TAF3: variants seen among roughly 807,000 people sequenced by gnomAD.
TAF3 encodes the protein TATA-box binding protein associated factor 3.
A neutral mutation model predicts 80.6 loss-of-function variants in TAF3; 7 were observed. The ratio of observed to expected loss-of-function variants is 0.09; its 90% CI spans 0.05 to 0.16. The LOEUF (loss-of-function observed/expected upper bound fraction) is 0.16. Ranked by LOEUF, TAF3 falls within the 10% of genes least tolerant of loss-of-function variation. The probability of loss-of-function intolerance (pLI) is 1.00; values close to 1 mark genes in which losing one functional copy is unlikely to be tolerated. For missense variants in TAF3, 921 were observed against 1,140.2 expected, an observed-to-expected ratio of 0.81 and a Z score of 2.77; for synonymous variants, 444 against 446.1, an observed-to-expected ratio of 1.00 and a Z score of 0.06.
intron 2 of TAF3, among the ~76,000 whole-genome samples, chr10:7,832,127 C>T (rs1029890633): frequency 1.3e-5 from 2 of 151,946 alleles, no homozygotes; most frequent in African/African-American, 4.8e-5. Context: ...TGCAATGTAT[C>T]AAAAAAAGTA....
intron 4 of TAF3, among the ~76,000 whole-genome samples, chr10:8,008,655 C>T (rs911499896): frequency 5.9e-5 from 9 of 152,338 alleles, no homozygotes; most frequent in East Asian, 1.9e-4. Flanking sequence ...CAGTGTGGAG[C>T]ACAGGCTGCT....
At chr10:7,955,317 G>T (rs534480869) in intron 2 of TAF3, among the ~76,000 whole-genome samples, 1 of 152,292 alleles carries the variant, frequency 6.6e-6, no homozygotes, top group African/African-American at 2.4e-5. Flanking sequence ...GTGCATCATT[G>T]TAGAAATTAA....
chr10:7,945,248 G>C (rs1483517967), intron 2 of TAF3, among the ~76,000 whole-genome samples: 2 of 152,130 alleles, frequency 1.3e-5, no homozygotes, highest in Admixed American at 1.3e-4. Context: ...TGCTAATCCT[G>C]TTTGCCTAGT....
At position 7,989,160 on chromosome 10, in the gene TAF3, A is replaced by C. The variant is rs981674248; in HGVS notation, c.2315+11837A>C. On this transcript the variant is annotated intron_variant, in intron 4 of 6. Transcript: ENST00000344293. ...TCCCAGAGCAAGCTCTCAGTGGGCC[A>C]GCTGAGATCACGTGACCAGCCTGAA... Among the ~76,000 whole-genome samples, 2 of 152,228 alleles carry C rather than the reference A, an allele frequency of 1.3e-5. 1 individual carries two copies. The highest frequency in any genetic ancestry group is 4.8e-5 in the African/African-American group (2 of 41,456).
intron 2 of TAF3, among the ~76,000 whole-genome samples, chr10:7,851,289 C>G (rs1332020571): frequency 6.6e-6 from 1 of 152,074 alleles, no homozygotes; most frequent in African/African-American, 2.4e-5. Flanking sequence ...GCACTTCAAG[C>G]AGAGAGGATC....
At chr10:7,831,207 G>A (rs762476975) in intron 2 of TAF3, among the ~76,000 whole-genome samples, 2 of 152,076 alleles carry the variant, frequency 1.3e-5, no homozygotes, top group Admixed American at 6.5e-5. Context: ...CAGGGTTAAC[G>A]CTTGATTTTT....
intron 4 of TAF3, among the ~76,000 whole-genome samples, chr10:8,000,735 C>T (rs560815255): frequency 4.6e-5 from 7 of 152,298 alleles, no homozygotes; most frequent in South Asian, 2.1e-4. Context: ...GCCAAGATTG[C>T]ACCAGCACAC....
chr10:7,825,832 G>C (rs922827403), intron 2 of TAF3, among the ~76,000 whole-genome samples: 4 of 152,014 alleles, frequency 2.6e-5, no homozygotes, highest in African/African-American at 9.7e-5. Flanking sequence ...TCAAATTCTT[G>C]CTTTCAGGTG....
intron 2 of TAF3, among the ~76,000 whole-genome samples, chr10:7,831,554 C>T (rs939662625): frequency 6.6e-6 from 1 of 152,160 alleles, no homozygotes; most frequent in Non-Finnish European, 1.5e-5. Flanking sequence ...CCATGTTGGC[C>T]AGGCTGGTCT....
intron 4 of TAF3, 145 bp from the exon 5 acceptor site, chr10:8,008,933 C>G (rs574449107): frequency 8.3e-6 from 10 of 1,203,526 alleles, no homozygotes; most frequent in Non-Finnish European, 1.0e-5. Context: ...CATGCAGGGC[C>G]TGGAACTCAG....
chr10:7,921,189 T>A (rs1185604637), intron 2 of TAF3, among the ~76,000 whole-genome samples: 1 of 152,190 alleles, frequency 6.6e-6, no homozygotes, highest in African/African-American at 2.4e-5. Flanking sequence ...ATCTGAAATC[T>A]AATTAATAAA....
chr10:8,006,179 TACACACACACACACACAC>T (rs59502450), intron 4 of TAF3, among the ~76,000 whole-genome samples: 164 of 134,676 alleles, frequency 1.2e-3, no homozygotes, highest in African/African-American at 3.2e-3. Flanking sequence ...AAAAAAAAAA[TACACACACACACACACAC>T]ACACACACAC....
intron 2 of TAF3, among the ~76,000 whole-genome samples, chr10:7,889,702 T>C (rs564452772): frequency 1.3e-5 from 2 of 152,352 alleles, no homozygotes; most frequent in African/African-American, 4.8e-5. Flanking sequence ...ATTTCTTCCA[T>C]TGGCCTGGTC....
intron 2 of TAF3, among the ~76,000 whole-genome samples, chr10:7,897,196 C>T (rs1398300803): frequency 6.6e-6 from 1 of 152,194 alleles, no homozygotes; most frequent in African/African-American, 2.4e-5. Context: ...GGGAGCACCA[C>T]CTTATTGTCT....
At chr10:7,856,857 T>G (rs1376223990) in intron 2 of TAF3, among the ~76,000 whole-genome samples, 1 of 60,532 alleles carries the variant, frequency 1.7e-5, no homozygotes, top group Non-Finnish European at 3.0e-5. Flanking sequence ...CAGCTGGTTC[T>G]CAAAAAAAAA....
chr10:7,849,978 G>A (rs1031798979), intron 2 of TAF3, among the ~76,000 whole-genome samples: 4 of 152,150 alleles, frequency 2.6e-5, no homozygotes, highest in Non-Finnish European at 5.9e-5. Flanking sequence ...ACCATGCCTG[G>A]CCTCATGAAA....
At chr10:7,997,509 C>A (rs1831900939) in intron 4 of TAF3, among the ~76,000 whole-genome samples, 1 of 152,194 alleles carries the variant, frequency 6.6e-6, no homozygotes, top group African/African-American at 2.4e-5. Flanking sequence ...GCATTACAGG[C>A]CAAGCAGCTC....
intron 4 of TAF3, among the ~76,000 whole-genome samples, chr10:7,987,480 A>T (rs1006025324): frequency 5.3e-5 from 8 of 152,156 alleles, no homozygotes; most frequent in Non-Finnish European, 7.3e-5. Context: ...GTTTTCAAAC[A>T]TTTAAGTTGT....
At chr10:7,935,175 G>GGT (rs1398854554) in intron 2 of TAF3, among the ~76,000 whole-genome samples, 4 of 152,112 alleles carry the variant, frequency 2.6e-5, no homozygotes, top group Non-Finnish European at 4.4e-5. Context: ...TACTCAGGAG[G>GGT]GTGAGACATG....
Sources: gnomAD v4.1 joint callset for allele counts (sites outside exome capture counted in the v4.1 genomes callset) on GRCh38, gnomAD v4.1.1 for gene constraint, MANE v1.5 for transcripts, NCBI Gene and HGNC (gene_info 2026-07-23, HGNC 2026-07-21) for gene names.